KCNIP4: variants seen among roughly 807,000 people sequenced by gnomAD.
The protein encoded by KCNIP4 is potassium voltage-gated channel interacting protein 4.
A neutral mutation model predicts 34.0 loss-of-function variants in KCNIP4; 12 were observed. That is an observed-to-expected ratio of 0.35 (90% CI 0.23 to 0.57). KCNIP4 has a LOEUF of 0.57. KCNIP4 is among the 20% of genes least tolerant of loss of function. The pLI, the probability that KCNIP4 is intolerant of heterozygous loss-of-function variation, is 0.83. For missense variants in KCNIP4, 238 were observed against 311.7 expected (o/e 0.76, Z 1.78); for synonymous variants, 124 against 102.2 (o/e 1.21, Z -1.29).
intron 2 of KCNIP4, among the ~76,000 whole-genome samples, chr4:20,860,173 C>T (rs552742704): frequency 1.3e-3 from 199 of 151,170 alleles, no homozygotes; most frequent in African/African-American, 4.5e-3. Flanking sequence ...GAGTCTCGCT[C>T]TTGTTGCCCA....
At chr4:21,293,095 TAATA>T (rs1763629210) in intron 1 of KCNIP4, among the ~76,000 whole-genome samples, 1 of 152,182 alleles carries the variant, frequency 6.6e-6, no homozygotes, top group Admixed American at 6.5e-5. Flanking sequence ...AAACAAATGA[TAATA>T]AATAGGAGAT....
chr4:21,115,774 C>A (rs1749625505), intron 1 of KCNIP4, among the ~76,000 whole-genome samples: 1 of 151,874 alleles, frequency 6.6e-6, no homozygotes, highest in South Asian at 2.1e-4. Flanking sequence ...AGTGAGTGGA[C>A]AAAATTATTT....
At chr4:20,762,324 A>G (rs1755022663) in intron 3 of KCNIP4, among the ~76,000 whole-genome samples, 1 of 152,180 alleles carries the variant, frequency 6.6e-6, no homozygotes, top group Non-Finnish European at 1.5e-5. Context: ...TAATACTATC[A>G]CATTGGGGGT....
chr4:20,739,729 G>A (rs1750594451), intron 5 of KCNIP4, among the ~76,000 whole-genome samples: 1 of 152,162 alleles, frequency 6.6e-6, no homozygotes, highest in Non-Finnish European at 1.5e-5. Flanking sequence ...AACAAAGCTG[G>A]ATGGAGAATG....
intron 1 of KCNIP4, among the ~76,000 whole-genome samples, chr4:21,470,897 G>C (rs562817799): frequency 4.5e-4 from 68 of 152,226 alleles, no homozygotes; most frequent in Non-Finnish European, 6.9e-4. Flanking sequence ...TGCATCAGCA[G>C]TTAGTTTGGA....
chr4:20,966,032 G>T (rs1270566676), intron 1 of KCNIP4, among the ~76,000 whole-genome samples: 6 of 152,168 alleles, frequency 3.9e-5, no homozygotes, highest in African/African-American at 9.7e-5. Context: ...ACAGGAAAAA[G>T]TTAACTCTGA....
At chr4:21,324,677 T>G in intron 1 of KCNIP4, among the ~76,000 whole-genome samples, 1 of 151,776 alleles carries the variant, frequency 6.6e-6, no homozygotes, top group South Asian at 2.1e-4. Flanking sequence ...TAAAGTCAGG[T>G]AATGTGATTC....
intron 1 of KCNIP4, among the ~76,000 whole-genome samples, chr4:21,427,602 G>T (rs1726044017): frequency 6.6e-6 from 1 of 152,130 alleles, no homozygotes; most frequent in Non-Finnish European, 1.5e-5. Context: ...CGAAGGGACT[G>T]ACTGAGAAGC....
At chr4:21,809,783 T>C (rs749386656) in intron 1 of KCNIP4, among the ~76,000 whole-genome samples, 2 of 152,332 alleles carry the variant, frequency 1.3e-5, no homozygotes. Context: ...CTCTAATGAT[T>C]TGCATTTTCA....
chr4:21,431,416 A>G (rs1256766900), intron 1 of KCNIP4, among the ~76,000 whole-genome samples: 4 of 152,150 alleles, frequency 2.6e-5, no homozygotes, highest in Non-Finnish European at 5.9e-5. Flanking sequence ...AGTACCAACC[A>G]TAATTCTTTA....
At chr4:21,070,534 T>C (rs1186092140) in intron 1 of KCNIP4, among the ~76,000 whole-genome samples, 2 of 152,050 alleles carry the variant, frequency 1.3e-5, no homozygotes, top group Non-Finnish European at 2.9e-5. Context: ...ATTTCCCTAA[T>C]GTCTGGCAAT....
intron 1 of KCNIP4, among the ~76,000 whole-genome samples, chr4:20,935,367 T>A (rs1730958708): frequency 6.6e-6 from 1 of 152,132 alleles, no homozygotes; most frequent in Admixed American, 6.5e-5. Flanking sequence ...TAAAACCAGC[T>A]TCCAAGCGCT....
intron 1 of KCNIP4, among the ~76,000 whole-genome samples, chr4:21,031,633 A>G (rs1741034834): frequency 6.6e-6 from 1 of 152,148 alleles, no homozygotes; most frequent in South Asian, 2.1e-4. Context: ...TCCACTGTAC[A>G]ATATCCCCTT....
Position 21,318,956 on chromosome 4 carries a change from T to C in KCNIP4, c.62-436247A>G, listed in dbSNP as rs189211376. 1.2e-3 allele frequency among the ~76,000 whole-genome samples: 179 copies of C among 152,246 alleles called. 1 individual carries two copies. Among genetic ancestry groups the C allele is most frequent in the Non-Finnish European group, 1.6e-3 (107 of 68,018 alleles). On this transcript the variant is annotated intron_variant, in intron 1 of 8. Transcript: ENST00000382152. ...ATCCCTCCTGTTAAAAAGGTTGAACTCCAGAATTTTACTAAATTGATAATG... is the reference window on the plus strand; with the variant it reads ...ATCCCTCCTGTTAAAAAGGTTGAACCCCAGAATTTTACTAAATTGATAATG...
intron 1 of KCNIP4, among the ~76,000 whole-genome samples, chr4:21,156,975 T>TC (rs1374482261): frequency 1.3e-5 from 2 of 152,098 alleles, no homozygotes; most frequent in African/African-American, 4.8e-5. Context: ...AACTGATAAT[T>TC]CCCCCCAAGC....
intron 3 of KCNIP4, among the ~76,000 whole-genome samples, chr4:20,811,512 TGTGCGCGC>T (rs965637171): frequency 2.6e-4 from 13 of 49,566 alleles, no homozygotes; most frequent in South Asian, 1.3e-3. Context: ...TGTGTGTGTG[TGTGCGCGC>T]GCGCACGCGT....
chr4:20,735,198 C>T (rs1467088612), intron 5 of KCNIP4, among the ~76,000 whole-genome samples: 1 of 152,132 alleles, frequency 6.6e-6, no homozygotes, highest in African/African-American at 2.4e-5. Context: ...TTATAATTTA[C>T]ATGTGGACAG....
intron 1 of KCNIP4, chr4:21,850,727 A>AT (rs1448561856): frequency 8.6e-5 from 13 of 152,024 alleles, no homozygotes; most frequent in African/African-American, 2.2e-4. Flanking sequence ...ACAAAATAAG[A>AT]TTTTTTACAT....
intron 1 of KCNIP4, among the ~76,000 whole-genome samples, chr4:21,894,953 C>T (rs563936768): frequency 9.9e-5 from 15 of 152,252 alleles, no homozygotes; most frequent in Admixed American, 9.2e-4. Flanking sequence ...TCAGTCTTTC[C>T]TCATTATCCC....
Sources: allele counts gnomAD v4.1 joint callset (sites outside exome capture counted in the v4.1 genomes callset), GRCh38; gene constraint gnomAD v4.1.1; transcripts MANE v1.5; gene names NCBI Gene and HGNC (gene_info 2026-07-23, HGNC 2026-07-21).